Variants in CCDC7 observed in about 807,000 individuals in gnomAD.
CCDC7 encodes the protein coiled-coil domain containing 7, also known as coiled-coil domain-containing protein 7.
CCDC7 carries 183 observed loss-of-function variants against 196.9 expected under a neutral mutation model. That is an observed-to-expected ratio of 0.93 (90% CI 0.82 to 1.05). CCDC7 has a LOEUF of 1.05. CCDC7 is among the 50% of genes least tolerant of loss of function. The pLI is 0.00. For missense variants in CCDC7, 1,540 were observed against 1,482.2 expected (o/e 1.04, Z -0.64); for synonymous variants, 525 against 484.6 (o/e 1.08, Z -1.10).
At chr10:32,610,071 T>A (rs1174425286) in intron 18 of CCDC7, among the ~76,000 whole-genome samples, 5 of 151,672 alleles carry the variant, frequency 3.3e-5, no homozygotes, top group East Asian at 1.9e-4. Context: ...GTAAACTTTT[T>A]AAATATATTT....
exon 9 of CCDC7, chr10:32,491,939 A>G (rs1322070590): frequency 4.4e-6 from 7 of 1,576,836 alleles, no homozygotes. Flanking sequence ...TCATTCAATG[A>G]CTAATCGATT....
At chr10:32,822,338 AT>A (rs2090397778) in intron 31 of CCDC7, among the ~76,000 whole-genome samples, 1 of 152,234 alleles carries the variant, frequency 6.6e-6, no homozygotes, top group Non-Finnish European at 1.5e-5. Context: ...CATGTAATAT[AT>A]TCATGATAGC....
intron 30 of CCDC7, among the ~76,000 whole-genome samples, chr10:32,813,080 A>G (rs1032232710): frequency 1.3e-5 from 2 of 150,916 alleles, no homozygotes; most frequent in African/African-American, 4.9e-5. Context: ...GTATTCACCA[A>G]TTTTCCCAAA....
At chr10:32,620,201 G>A (rs2063255994) in intron 18 of CCDC7, among the ~76,000 whole-genome samples, 1 of 152,052 alleles carries the variant, frequency 6.6e-6, no homozygotes, top group South Asian at 2.1e-4. Flanking sequence ...GGGATTATAG[G>A]CATGAGCCAC....
At chr10:32,772,215 T>C (rs1048341167) in intron 28 of CCDC7, among the ~76,000 whole-genome samples, 1 of 152,098 alleles carries the variant, frequency 6.6e-6, no homozygotes, top group African/African-American at 2.4e-5. Context: ...CAGGGGAGCA[T>C]TGCTGCCTCT....
intron 18 of CCDC7, among the ~76,000 whole-genome samples, chr10:32,602,624 C>G (rs1200714417): frequency 6.6e-6 from 1 of 151,998 alleles, no homozygotes; most frequent in Non-Finnish European, 1.5e-5. Context: ...TACACTTTTT[C>G]TTTTCTTAGA....
upstream of CCDC7, among the ~76,000 whole-genome samples, chr10:32,447,775 ACCTGTAAT>A (rs2031779315): frequency 6.6e-6 from 1 of 151,980 alleles, no homozygotes; most frequent in South Asian, 2.1e-4. Flanking sequence ...GGCAGTGGGC[ACCTGTAAT>A]CCCAGCTACT....
At chr10:32,783,689 T>C (rs555039495) in intron 29 of CCDC7, among the ~76,000 whole-genome samples, 1 of 152,204 alleles carries the variant, frequency 6.6e-6, no homozygotes, top group Non-Finnish European at 1.5e-5. Context: ...CAGGTACTTG[T>C]GCACCAGCAT....
intron 26 of CCDC7, among the ~76,000 whole-genome samples, chr10:32,728,669 A>G (rs1022205653): frequency 6.6e-6 from 1 of 152,214 alleles, no homozygotes; most frequent in Non-Finnish European, 1.5e-5. Context: ...TAAACTCATG[A>G]ATCCTGGAGA....
chr10:32,850,774 AACACACACACACACACACAC>A (rs59662474), intron 39 of CCDC7, among the ~76,000 whole-genome samples: 72 of 146,572 alleles, frequency 4.9e-4, no homozygotes, highest in Middle Eastern at 7.0e-3. Context: ...TGTCTCTGAC[AACACACACACACACACACAC>A]ACACACACAC....
chr10:32,815,711 G>A (rs947757606), intron 31 of CCDC7, among the ~76,000 whole-genome samples: 1 of 152,150 alleles, frequency 6.6e-6, no homozygotes, highest in African/African-American at 2.4e-5. Flanking sequence ...CTGTAAAAAT[G>A]TTGAAAAAGA....
chr10:32,452,931 G>T (rs566265129), intron 1 of CCDC7, among the ~76,000 whole-genome samples: 1 of 152,190 alleles, frequency 6.6e-6, no homozygotes, highest in South Asian at 2.1e-4. Context: ...AAAGTTTGAG[G>T]GGTTAGGCCA....
intron 21 of CCDC7, among the ~76,000 whole-genome samples, chr10:32,666,364 T>C (rs2072711818): frequency 6.6e-6 from 1 of 151,782 alleles, no homozygotes; most frequent in African/African-American, 2.4e-5. Context: ...TCCTGCAAGG[T>C]TGGACTTAGT....
intron 31 of CCDC7, among the ~76,000 whole-genome samples, chr10:32,823,130 G>A (rs769503293): frequency 1.2e-4 from 18 of 150,514 alleles, no homozygotes; most frequent in Admixed American, 2.0e-4. Flanking sequence ...TTGAAAACTC[G>A]TTTTGTCCAA....
At chr10:32,714,736 T>C (rs1390059202) in intron 25 of CCDC7, among the ~76,000 whole-genome samples, 1 of 152,060 alleles carries the variant, frequency 6.6e-6, no homozygotes, top group Non-Finnish European at 1.5e-5. Flanking sequence ...TTACTGAGGC[T>C]TGAGTAGGTG....
intron 15 of CCDC7, 77 bp from the exon 17 acceptor site, chr10:32,571,782 T>A (rs2057594589): frequency 7.7e-7 from 1 of 1,306,100 alleles, no homozygotes; most frequent in South Asian, 2.1e-5. Context: ...CTACCTTAAA[T>A]GATATTTTTC....
chr10:32,572,222 T>A (rs1248951013), intron 16 of CCDC7, among the ~76,000 whole-genome samples: 4 of 152,202 alleles, frequency 2.6e-5, no homozygotes, highest in African/African-American at 7.2e-5. Context: ...ATGAGCTAGA[T>A]ACATAAACAA....
intron 8 of CCDC7, among the ~76,000 whole-genome samples, chr10:32,477,260 A>G (rs942298631): frequency 7.9e-5 from 12 of 151,796 alleles, no homozygotes; most frequent in Admixed American, 6.6e-4. Context: ...CTGGAGTACA[A>G]TGGTGCAATC....
At chr10:32,582,644 C>G (rs1235605876) in intron 16 of CCDC7, among the ~76,000 whole-genome samples, 1 of 152,038 alleles carries the variant, frequency 6.6e-6, no homozygotes, top group Non-Finnish European at 1.5e-5. Context: ...GTCAAAGTGA[C>G]TGTGGAGATA....
Sources: gnomAD v4.1 joint callset for allele counts (sites outside exome capture counted in the v4.1 genomes callset) on GRCh38, gnomAD v4.1.1 for gene constraint, MANE v1.5 for transcripts, NCBI Gene and HGNC (gene_info 2026-07-23, HGNC 2026-07-21) for gene names.